The following RUNX1T1 variants were observed in gnomAD, a reference collection of about 807,000 sequenced individuals.
The protein encoded by RUNX1T1 is protein CBFA2T1.
In RUNX1T1, 4 loss-of-function variants were observed where a neutral mutation model predicts 62.8. The observed-to-expected ratio is 0.06, with a 90% CI of 0.03 to 0.15. The LOEUF (loss-of-function observed/expected upper bound fraction) is 0.15, where lower values mean the gene tolerates loss of function less well. RUNX1T1 is among the 10% of genes least tolerant of loss of function. The pLI, the probability that RUNX1T1 is intolerant of heterozygous loss-of-function variation, is 1.00. For synonymous variants in RUNX1T1, 291 were observed against 286.0 expected (o/e 1.02, Z -0.18); for missense variants, 508 against 754.3 (o/e 0.67, Z 3.82).
upstream of RUNX1T1, among the ~76,000 whole-genome samples, chr8:92,063,330 C>T (rs181513273): frequency 6.6e-6 from 1 of 152,238 alleles, no homozygotes; most frequent in East Asian, 1.9e-4. Context: ...CCCCTGGGAT[C>T]CCCGGGTTGA....
At chr8:92,010,873 A>G (rs1044382239) in intron 4 of RUNX1T1, 129 bp downstream of exon 5, 3 of 570,998 alleles carry the variant, frequency 5.3e-6, no homozygotes, top group Admixed American at 3.1e-5. Flanking sequence ...CATAAATACA[A>G]TCGATTCAGA....
chr8:92,060,888 T>G (rs1031927916), intron 1 of RUNX1T1, among the ~76,000 whole-genome samples: 17 of 152,018 alleles, frequency 1.1e-4, no homozygotes, highest in African/African-American at 3.9e-4. Context: ...ATATATTCTA[T>G]GTATCCAAGT....
intron 1 of RUNX1T1, among the ~76,000 whole-genome samples, chr8:92,049,420 A>G (rs1237732854): frequency 6.6e-6 from 1 of 152,108 alleles, no homozygotes; most frequent in Non-Finnish European, 1.5e-5. Context: ...TTTTTCTGAC[A>G]TTCCAGCAAG....
intron 5 of RUNX1T1, among the ~76,000 whole-genome samples, chr8:91,992,393 A>G (rs1256223713): frequency 6.6e-6 from 1 of 152,208 alleles, no homozygotes; most frequent in East Asian, 1.9e-4. Context: ...TGGTTGTTTA[A>G]CTTAAAATGT....
intron 1 of RUNX1T1, among the ~76,000 whole-genome samples, chr8:92,059,935 C>T (rs566574521): frequency 9.9e-5 from 15 of 152,220 alleles, no homozygotes; most frequent in Admixed American, 9.8e-4. Context: ...AGAAAAAGCA[C>T]TATTTCTGGG....
chr8:92,033,499 G>A (rs1563806454), intron 1 of RUNX1T1, among the ~76,000 whole-genome samples: 1 of 152,192 alleles, frequency 6.6e-6, no homozygotes, highest in Non-Finnish European at 1.5e-5. Flanking sequence ...CAAATATATT[G>A]TCAGGCCAGG....
intron 4 of RUNX1T1, 22 bp from the exon 6 acceptor site, chr8:92,005,319 G>T (rs747392356): frequency 1.2e-6 from 2 of 1,604,562 alleles, no homozygotes; most frequent in South Asian, 1.1e-5. Flanking sequence ...TGACAGGAAT[G>T]AGAGGACGGA....
At chr8:92,103,012 G>T, upstream of RUNX1T1, 1 of 977,338 alleles carries the variant, frequency 1.0e-6, no homozygotes, top group South Asian at 2.5e-5. Context: ...GCCCACGCGC[G>T]CTCGCCACGA....
chr8:91,978,642 C>T lies in RUNX1T1; in HGVS notation c.1199-2669G>A, dbSNP rs78829094. Among the ~76,000 whole-genome samples the T allele has an allele frequency of 2.7e-3, 405 of 152,294 alleles. 2 individuals carry two copies. Among genetic ancestry groups the T allele is most frequent in the African/African-American group, 9.6e-3 (398 of 41,556 alleles). On this transcript the variant is annotated intron_variant, in intron 8 of 10. Transcript: ENST00000396218. ...AAATATTTCTATAGTTCACAATTCA[C>T]TGCCTTTGTCCTTGGAAGCAAAATC...
At chr8:92,096,286 T>A (rs1391435141) in intron 1 of RUNX1T1, among the ~76,000 whole-genome samples, 1 of 151,750 alleles carries the variant, frequency 6.6e-6, no homozygotes, top group African/African-American at 2.4e-5. Context: ...CATCTGAGAG[T>A]CTATTTTGGA....
At chr8:91,996,661 CCA>C (rs1401863130) in intron 5 of RUNX1T1, among the ~76,000 whole-genome samples, 1 of 152,116 alleles carries the variant, frequency 6.6e-6, no homozygotes, top group African/African-American at 2.4e-5. Flanking sequence ...CGTGTGATCT[CCA>C]GTTACTTAAC....
At chr8:91,976,774 A>G (rs935082906) in intron 8 of RUNX1T1, among the ~76,000 whole-genome samples, 2 of 152,258 alleles carry the variant, frequency 1.3e-5, no homozygotes, top group African/African-American at 2.4e-5. Flanking sequence ...AAAAGTAAAC[A>G]AAGTGTATAC....
At chr8:91,967,678 G>C (rs577183856) in intron 10 of RUNX1T1, among the ~76,000 whole-genome samples, 1 of 152,286 alleles carries the variant, frequency 6.6e-6, no homozygotes, top group South Asian at 2.1e-4. Context: ...AAATGGCCAA[G>C]CTAGGCCTAG....
intron 2 of RUNX1T1, 49 bp downstream of exon 3, chr8:92,017,172 AAATTT>A (rs1823180367): frequency 2.3e-6 from 3 of 1,303,374 alleles, no homozygotes; most frequent in Non-Finnish European, 3.3e-6. Flanking sequence ...TTGCAGAAAA[AAATTT>A]AATTTAAACT....
At chr8:92,086,470 G>A (rs1396259215) in intron 1 of RUNX1T1, among the ~76,000 whole-genome samples, 2 of 152,134 alleles carry the variant, frequency 1.3e-5, no homozygotes, top group Non-Finnish European at 2.9e-5. Flanking sequence ...ACATGAGGGA[G>A]CCAAGTCCTA....
At chr8:92,026,489 C>T (rs1160589407) in intron 1 of RUNX1T1, among the ~76,000 whole-genome samples, 3 of 152,208 alleles carry the variant, frequency 2.0e-5, no homozygotes, top group South Asian at 2.1e-4. Flanking sequence ...ATGAACTGCA[C>T]TCAGTAAACG....
chr8:92,081,238 G>A, intron 1 of RUNX1T1: 1 of 954,872 alleles, frequency 1.0e-6, no homozygotes, highest in African/African-American at 1.8e-5. Context: ...GCCTACCTTA[G>A]TGCTCCCAGT....
In RUNX1T1 at chr8:92,095,331, T is replaced by G. The variant is rs762917550; in HGVS notation, c.-86+4249A>C. Reference sequence around the variant, plus strand: ...TTCCTCCCTGCTCGCCTCCCTCCCCTGTTCACGGAGATTACCTTCTGGCAA... The same window carrying G: ...TTCCTCCCTGCTCGCCTCCCTCCCCGGTTCACGGAGATTACCTTCTGGCAA... On this transcript the variant is annotated intron_variant, in intron 1 of 11. Transcript: ENST00000265814. 8 of 1,532,314 alleles carry G rather than the reference T, an allele frequency of 5.2e-6. No individual in the cohort carries two copies. In the African/African-American group the frequency reaches 1.1e-4, roughly 21 times the overall value. 94.9% of individuals were successfully genotyped at this position (1,532,314 alleles called of 1,614,324 possible).
In RUNX1T1 at chr8:92,095,333, T is replaced by A. The variant is rs1055950641; in HGVS notation, c.-86+4247A>T. Reference sequence around the variant, plus strand: ...CCTCCCTGCTCGCCTCCCTCCCCTGTTCACGGAGATTACCTTCTGGCAAAG... The same window carrying A: ...CCTCCCTGCTCGCCTCCCTCCCCTGATCACGGAGATTACCTTCTGGCAAAG... On this transcript the variant is annotated intron_variant, in intron 1 of 11. Coordinates refer to the RUNX1T1 transcript ENST00000265814. 72 of 1,533,444 alleles carry A rather than the reference T, an allele frequency of 4.7e-5. 1 individual carries two copies. The East Asian group carries it at 1.6e-3, about 34-fold the overall frequency. 95.0% of individuals were successfully genotyped at this position (1,533,444 alleles called of 1,614,324 possible).
Sources: gnomAD v4.1 joint callset for allele counts (sites outside exome capture counted in the v4.1 genomes callset) on GRCh38, gnomAD v4.1.1 for gene constraint, MANE v1.5 for transcripts, NCBI Gene and HGNC (gene_info 2026-07-23, HGNC 2026-07-21) for gene names.